Variants in GCN1 observed in about 807,000 individuals in gnomAD.
The protein encoded by GCN1 is GCN1 activator of EIF2AK4.
GCN1 carries 90 observed loss-of-function variants against 288.4 expected under a neutral mutation model. The observed-to-expected ratio is 0.31, with a 90% CI of 0.26 to 0.37. The LOEUF is 0.37. Ranked by LOEUF, GCN1 falls within the 10% of genes least tolerant of loss-of-function variation. GCN1 has a pLI of 1.00. For synonymous variants in GCN1, 1,386 were observed against 1,420.2 expected (o/e 0.98, Z 0.54); for missense variants, 2,586 against 3,419.9 (o/e 0.76, Z 6.08).
chr12:120,148,829 T>C (rs1338059116), intron 36 of GCN1, among the ~76,000 whole-genome samples: 1 of 152,108 alleles, frequency 6.6e-6, no homozygotes, highest in Non-Finnish European at 1.5e-5. Context: ...ATTTTATTTA[T>C]TTATTTTTGA....
In GCN1 at chr12:120,129,394, T is replaced by C. The variant is rs1566295189; in HGVS notation, c.7772A>G (p.Lys2591Arg). ...GTCAAGAAGAGCCTTCAGGATGGGC[T>C]TGATGGCCTGGGGGTCCAGGGGAGG... ...PLPPLDPQAI[K>R]PILKALLDNT... Residue 2591 changes from lysine (K) to arginine (R), a missense_variant, in exon 57 of 58, where the codon AAG (lysine) becomes AGG (arginine). Physicochemically the swap from Lys to Arg is conservative, Grantham distance 26. This residue lies in a region of GCN1 where 355 missense variants were observed against 431.1 expected (regional missense o/e 0.82). Transcript: ENST00000300648. 6.2e-7 allele frequency: 1 copy of C among 1,613,964 alleles called. No individual in the cohort carries two copies. The highest frequency in any genetic ancestry group is 8.5e-7 in the Non-Finnish European group (1 of 1,179,836).
intron 51 of GCN1, among the ~76,000 whole-genome samples, chr12:120,135,303 C>G (rs1171620831): frequency 2.0e-5 from 3 of 152,170 alleles, no homozygotes; most frequent in African/African-American, 7.2e-5. Flanking sequence ...TATACAGAAA[C>G]ACAGGCACAC....
chr12:120,163,527 T>G (rs1176932462), intron 18 of GCN1, among the ~76,000 whole-genome samples: 2 of 152,082 alleles, frequency 1.3e-5, no homozygotes. Context: ...CAGCCTGTGG[T>G]GGCAAGTCTG....
In GCN1 at chr12:120,156,970, C is replaced by T; in HGVS notation, c.3110G>A (p.Arg1037His). 3 of 1,612,880 alleles carry T rather than the reference C, an allele frequency of 1.9e-6. No individual in the cohort carries two copies. Among genetic ancestry groups the T allele is most frequent in the Non-Finnish European group, 2.5e-6 (3 of 1,178,992 alleles). The change falls in exon 27 of 58, where the codon CGC (arginine) becomes CAC (histidine). Residue 1037 changes from arginine (R) to histidine (H), a missense_variant. Physicochemically the swap from Arg to His is conservative, Grantham distance 29. This residue lies in a region of GCN1 where 153 missense variants were observed against 252.0 expected (regional missense o/e 0.61). Coordinates refer to ENST00000300648, the MANE Select transcript of GCN1 (RefSeq NM_006836.2). The surrounding 1 kb of genome is among the most constrained non-coding windows in gnomAD (Gnocchi z 5.8). ...AGTCAGAAGACGCAGCATGGCCACG[C>T]GAGGCAGCAACTCCGGGCCATTCTA... The part of the protein sequence containing the change: ...VDENGPELLP[R>H]VAMLRLLTWV...
chr12:120,183,916 T>C (rs570418246), intron 4 of GCN1, among the ~76,000 whole-genome samples, 196 bp downstream of exon 4: 3 of 152,284 alleles, frequency 2.0e-5, no homozygotes, highest in African/African-American at 4.8e-5. Context: ...CTTCCACCAT[T>C]AGGGGCCTGG....
Position 120,156,811 on chromosome 12 carries a change from G to A in GCN1, c.3168+101C>T. On this transcript the variant is annotated intron_variant, in intron 27 of 57. Coordinates refer to ENST00000300648, the MANE Select transcript of GCN1 (RefSeq NM_006836.2). The surrounding 1 kb of genome is among the most constrained non-coding windows in gnomAD (Gnocchi z 5.8). ...GCAGTCTTTCTACCAAAGTCCAAAA[G>A]TAAGGGCTGAAAGGAAACTAGGACT... 5.0e-6 allele frequency: 5 copies of A among 999,408 alleles called. No homozygotes were observed. The highest frequency in any genetic ancestry group is 8.0e-6 in the Non-Finnish European group (5 of 628,662). 61.9% of individuals were successfully genotyped at this position (999,408 alleles called of 1,614,324 possible).
chr12:120,154,392 C>T (rs1877671226), intron 31 of GCN1, among the ~76,000 whole-genome samples: 2 of 152,230 alleles, frequency 1.3e-5, no homozygotes, highest in Admixed American at 6.5e-5. Context: ...TACACTGACA[C>T]ACAAGGCCTC....
rs1347850479 is a variant in GCN1, at chr12:120,134,324, G to A, written c.7284C>T (p.Val2428=). The change falls in exon 53 of 58, where the codon GTC becomes GTT. Residue 2428 remains valine (V), a synonymous_variant. Coordinates refer to ENST00000300648, the MANE Select transcript of GCN1 (RefSeq NM_006836.2). This position sits in a 1 kb window ranked among gnomAD's most constrained non-coding sequence, Gnocchi z 5.0. The part of the protein sequence containing the change: ...KVDAVIRKNI[V]SLLLSMLGHD... ...GTCCCAGCATGCTCAGCAGGAGTGAGACGATGTTTTTCCGGATGACGGCAT... is the reference window on the plus strand; with the variant it reads ...GTCCCAGCATGCTCAGCAGGAGTGAAACGATGTTTTTCCGGATGACGGCAT... 3 of 1,613,956 alleles carry A rather than the reference G, an allele frequency of 1.9e-6. No homozygotes were observed. Among genetic ancestry groups the A allele is most frequent in the Non-Finnish European group, 2.5e-6 (3 of 1,179,872 alleles).
intron 14 of GCN1, among the ~76,000 whole-genome samples, chr12:120,170,947 G>A (rs1878294489): frequency 6.6e-6 from 1 of 151,888 alleles, no homozygotes; most frequent in Non-Finnish European, 1.5e-5. Flanking sequence ...GGATCATGAG[G>A]TCAGGAATTC....
chr12:120,174,125 G>A lies in GCN1; in HGVS notation c.1138C>T (p.Gln380Ter). 1 of 1,607,824 alleles carries A rather than the reference G, an allele frequency of 6.2e-7. No homozygotes were observed. The highest frequency in any genetic ancestry group is 8.5e-7 in the Non-Finnish European group (1 of 1,174,234). ...SHHVVSGPSS[Q>*]VLNGIVAELF... ...TCAGCCACGATCCCATTCAGGACCT[G>A]ACTGGAAGGTCCAGACACCACGTGA... is the stretch of plus-strand genomic sequence containing the variant. The change falls in exon 13 of 58, where the codon CAG becomes TAG. Residue 380 changes from glutamine to a stop codon, truncating the protein, a stop_gained. Transcript: ENST00000300648. LOFTEE classifies it high-confidence loss of function.
intron 2 of GCN1, among the ~76,000 whole-genome samples, chr12:120,187,754 G>T (rs556196803): frequency 1.3e-5 from 2 of 151,980 alleles, no homozygotes; most frequent in Non-Finnish European, 1.5e-5. Context: ...CAGGATTTCC[G>T]ATTTGAGTTG....
Position 120,188,491 on chromosome 12 carries a change from T to C in GCN1, c.121+1807A>G, listed in dbSNP as rs565333317. ...CAACTTATTTGATCTTGGAATCCTT[T>C]ATTGGCCAATCACCTACTACCATGG... On this transcript the variant is annotated intron_variant, in intron 2 of 57. Coordinates refer to ENST00000300648, the MANE Select transcript of GCN1 (RefSeq NM_006836.2). 2.7e-4 allele frequency among the ~76,000 whole-genome samples: 41 copies of C among 151,552 alleles called. 1 individual carries two copies.
At chr12:120,161,152 T>G (rs992594538) in intron 22 of GCN1, among the ~76,000 whole-genome samples, 1 of 152,194 alleles carries the variant, frequency 6.6e-6, no homozygotes, top group South Asian at 2.1e-4. Flanking sequence ...TACCAGGCGC[T>G]GTGCCTGCTA....
rs368525723 is a variant in GCN1 at position 120,153,164 on chromosome 12, G to A, written c.4062+49C>T. 1.3e-6 allele frequency: 2 copies of A among 1,533,514 alleles called. No individual in the cohort carries two copies. The highest frequency in any genetic ancestry group is 1.4e-5 in the African/African-American group (1 of 73,446). 95.0% of individuals were successfully genotyped at this position (1,533,514 alleles called of 1,614,324 possible). A position where few individuals can be genotyped will look rare whatever the true frequency, so the allele number is the denominator to read the frequency against. On this transcript the variant is annotated intron_variant, in intron 33 of 57. Coordinates refer to ENST00000300648, the MANE Select transcript of GCN1 (RefSeq NM_006836.2). This position sits in a 1 kb window ranked among gnomAD's most constrained non-coding sequence, Gnocchi z 4.4. Reference sequence around the variant, plus strand: ...TATCCCACCGCCTAACCACAGCCGGGTCCCAATTCTCTAACCGACATGTGG... The same window carrying A: ...TATCCCACCGCCTAACCACAGCCGGATCCCAATTCTCTAACCGACATGTGG...
At position 120,155,195 on chromosome 12, in the gene GCN1, C is replaced by A; in HGVS notation, c.3630+46G>T. 3.8e-6 allele frequency: 6 copies of A among 1,589,158 alleles called. No homozygotes were observed. Among genetic ancestry groups the A allele is most frequent in the Non-Finnish European group, 5.2e-6 (6 of 1,157,480 alleles). On this transcript the variant is annotated intron_variant, in intron 30 of 57. Transcript: ENST00000300648. This position sits in a 1 kb window ranked among gnomAD's most constrained non-coding sequence, Gnocchi z 4.9. ...GTAGCGGGGTGAGCAGAGACCCACC[C>A]AACCGCACACACCCAGACTGCATCA... is the stretch of plus-strand genomic sequence containing the variant.
intron 7 of GCN1, 28 bp from the exon 8 acceptor site, chr12:120,177,780 C>T (rs769757779): frequency 2.6e-6 from 4 of 1,523,152 alleles, no homozygotes; most frequent in Non-Finnish European, 3.6e-6. Flanking sequence ...CTGGTTAGAT[C>T]CTGACATTCT....
Position 120,137,358 on chromosome 12 carries a change from C to T in GCN1, c.6664-39G>A, listed in dbSNP as rs1411861884. The T allele has an allele frequency of 6.5e-7, 1 of 1,530,252 alleles. No homozygotes were observed. Among genetic ancestry groups the T allele is most frequent in the Non-Finnish European group, 9.1e-7 (1 of 1,104,750 alleles). 94.8% of individuals were successfully genotyped at this position (1,530,252 alleles called of 1,614,324 possible). A position where few individuals can be genotyped will look rare whatever the true frequency, so the allele number is the denominator to read the frequency against. ...GGAAAAAGCGAGAGGATGTACAGCC[C>T]TCTCAAGACTGCTTCCAAAGAATAT... On this transcript the variant is annotated intron_variant, in intron 49 of 57. Transcript: ENST00000300648. The surrounding 1 kb of genome is among the most constrained non-coding windows in gnomAD (Gnocchi z 5.2).
chr12:120,130,987 C>CAA (rs1876799687), intron 55 of GCN1, among the ~76,000 whole-genome samples, 198 bp downstream of exon 55: 6 of 152,150 alleles, frequency 3.9e-5, no homozygotes, highest in African/African-American at 1.4e-4. Flanking sequence ...ATTCTTCAAC[C>CAA]CAAATTCCTT....
chr12:120,137,648 G>A lies in GCN1; in HGVS notation c.6560C>T (p.Thr2187Ile). 6.2e-7 allele frequency: 1 copy of A among 1,614,190 alleles called. No homozygotes were observed. The highest frequency in any genetic ancestry group is 8.5e-7 in the Non-Finnish European group (1 of 1,180,020). ...IYCSRSKADY[T>I]SHLRSLVSGL... ...CGAGACCAGGCTCCGCAGGTGGCTG[G>A]TGTAGTCAGCCTTTGAGCGGGAACA... is the stretch of plus-strand genomic sequence containing the variant. The change falls in exon 49 of 58, where the codon ACC (threonine) becomes ATC (isoleucine). Residue 2187 changes from threonine to isoleucine, a missense_variant. Coordinates refer to ENST00000300648, the MANE Select transcript of GCN1 (RefSeq NM_006836.2). This position sits in a 1 kb window ranked among gnomAD's most constrained non-coding sequence, Gnocchi z 5.2.
Sources: gnomAD v4.1 joint callset for allele counts (sites outside exome capture counted in the v4.1 genomes callset) on GRCh38, gnomAD v4.1.1 for gene constraint, gnomAD v4.1.1 regional missense constraint, Gnocchi (gnomAD v3.1) non-coding constraint, MANE v1.5 for transcripts, NCBI Gene and HGNC (gene_info 2026-07-23, HGNC 2026-07-21) for gene names.